The following ATP7A variants were observed in gnomAD, a reference collection of about 807,000 sequenced individuals.
The protein encoded by ATP7A is copper-transporting ATPase 1.
Under a neutral mutation model 83.5 loss-of-function variants are expected in ATP7A, and 7 were observed. The ratio of observed to expected loss-of-function variants is 0.08; its 90% CI spans 0.05 to 0.16. The LOEUF (loss-of-function observed/expected upper bound fraction) is 0.16. Among genes scored for constraint, ATP7A ranks in the 10% least tolerant of loss-of-function variants. The pLI, the probability that ATP7A is intolerant of heterozygous loss-of-function variation, is 1.00. For synonymous variants in ATP7A, 354 were observed against 395.2 expected (o/e 0.90, Z 1.24); for missense variants, 940 against 1,120.8 (o/e 0.84, Z 2.30).
chrX:78,019,159 G>A (rs1039542515), intron 12 of ATP7A, among the ~76,000 whole-genome samples: 3 of 112,098 alleles, frequency 2.7e-5, no homozygotes, highest in African/African-American at 9.7e-5. Context: ...AGTTGTCTCA[G>A]TTTCCTGTAG....
intron 16 of ATP7A, 39 bp downstream of exon 16, chrX:78,031,621 C>T: frequency 8.6e-7 from 1 of 1,161,346 alleles, no homozygotes; most frequent in Non-Finnish European, 1.2e-6. Context: ...GTAGTCATCT[C>T]CTGTAGGAAT....
At chrX:77,929,294 A>G (rs782593069) in intron 1 of ATP7A, among the ~76,000 whole-genome samples, 4 of 111,854 alleles carry the variant, frequency 3.6e-5, no homozygotes, top group African/African-American at 6.5e-5. Flanking sequence ...GGACAGTGCC[A>G]CACTGCTGCT....
intron 4 of ATP7A, among the ~76,000 whole-genome samples, chrX:77,998,138 A>G (rs2077716261): frequency 8.9e-6 from 1 of 111,959 alleles, no homozygotes; most frequent in Non-Finnish European, 1.9e-5. Context: ...CAGTATGCCA[A>G]TCATCAACAT....
intron 17 of ATP7A, among the ~76,000 whole-genome samples, chrX:78,037,298 A>T (rs1290007676): frequency 8.9e-6 from 1 of 112,441 alleles, no homozygotes; most frequent in Non-Finnish European, 1.9e-5. Flanking sequence ...GCCACTAATT[A>T]TATGTGACTC....
Position 78,021,009 on chromosome X carries a change from C to A in ATP7A, c.2846C>A (p.Ser949Tyr), listed in dbSNP as rs782807828. Reference protein sequence around the residue: ...GYFVPFIVFVSIATLLVWIVI... With the variant: ...GYFVPFIVFVYIATLLVWIVI... ...TTTGTTCCTTTTATTGTTTTTGTTT[C>A]CATTGCCACCCTCTTGGTATGGATT... The change falls in exon 14 of 23, where the codon TCC becomes TAC. Residue 949 changes from serine (S) to tyrosine (Y), a missense_variant. This residue lies in a region of ATP7A where 386 missense variants were observed against 502.2 expected (regional missense o/e 0.77). Transcript: ENST00000341514. 2 of 1,204,724 alleles carry A rather than the reference C, an allele frequency of 1.7e-6. No homozygotes were observed. Among genetic ancestry groups the A allele is most frequent in the Admixed American group, 4.4e-5 (2 of 45,894 alleles).
chrX:77,969,808 TTGACTA>T (rs782281474), intron 1 of ATP7A, among the ~76,000 whole-genome samples: 2 of 112,339 alleles, frequency 1.8e-5, no homozygotes, highest in Non-Finnish European at 3.8e-5. Context: ...TTGCCGGTGT[TTGACTA>T]TGATGATTTC....
chrX:77,985,392 G>T lies in ATP7A; in HGVS notation c.121-2850G>T, dbSNP rs782033979. ...TGTTGGTAAATTGACATTTTTGGGG[G>T]GGGTGGGTGCGGGGGAACCAGGTCT... is the stretch of plus-strand genomic sequence containing the variant. On this transcript the variant is annotated intron_variant, in intron 2 of 22. Transcript: ENST00000341514. 2.7e-4 allele frequency among the ~76,000 whole-genome samples: 29 copies of T among 108,580 alleles called. 1 individual carries two copies. Among genetic ancestry groups the T allele is most frequent in the Non-Finnish European group, 5.2e-4 (27 of 52,368 alleles). 94.3% of individuals were successfully genotyped at this position (108,580 alleles called of 115,157 possible). A position where few individuals can be genotyped will look rare whatever the true frequency, so the allele number is the denominator to read the frequency against.
intron 1 of ATP7A, among the ~76,000 whole-genome samples, chrX:77,916,016 C>G (rs1016149924): frequency 8.9e-6 from 1 of 111,766 alleles, no homozygotes; most frequent in Non-Finnish European, 1.9e-5. Context: ...CTACCGCTCC[C>G]GGCCCTGCCA....
At position 77,989,965 on chromosome X, in the gene ATP7A, A is replaced by G. The variant is rs1339598325; in HGVS notation, c.1336+7A>G. On this transcript the variant is annotated splice_region_variant and intron_variant, in intron 4 of 22. Coordinates refer to ENST00000341514, the MANE Select transcript of ATP7A (RefSeq NM_000052.7). ...TTTGATGCTACCTTGTCAGGTAATT[A>G]TCATTTTTTCTTTGATTACCCTAAT... 1.7e-6 allele frequency: 2 copies of G among 1,209,145 alleles called. No homozygotes were observed. The highest frequency in any genetic ancestry group is 2.2e-6 in the Non-Finnish European group (2 of 894,797).
intron 1 of ATP7A, among the ~76,000 whole-genome samples, chrX:77,916,387 A>T (rs1373082139): frequency 1.8e-5 from 2 of 109,584 alleles, no homozygotes; most frequent in Non-Finnish European, 3.8e-5. Context: ...AAAAAGAGAA[A>T]GAAAATGGAA....
At chrX:77,933,516 G>A (rs1027929168) in intron 1 of ATP7A, among the ~76,000 whole-genome samples, 3 of 111,943 alleles carry the variant, frequency 2.7e-5, no homozygotes, top group Admixed American at 1.9e-4. Flanking sequence ...GCTTAGGACC[G>A]GAAGTGTTTC....
Position 78,015,901 on chromosome X carries a change from C to T in ATP7A, c.2626+20C>T, listed in dbSNP as rs112355448. The T allele has an allele frequency of 8.3e-7, 1 of 1,208,872 alleles. No individual in the cohort carries two copies. Among genetic ancestry groups the T allele is most frequent in the African/African-American group, 1.7e-5 (1 of 57,723 alleles). On this transcript the variant is annotated intron_variant, in intron 12 of 22. Coordinates refer to ENST00000341514, the MANE Select transcript of ATP7A (RefSeq NM_000052.7). ...TCACAGGTATGTTCTTTCAAAGGAT[C>T]ATGACCAAAATGTTAAGAAAAATAG...
intron 2 of ATP7A, among the ~76,000 whole-genome samples, chrX:77,986,119 T>G (rs1032877733): frequency 9.0e-6 from 1 of 111,558 alleles, no homozygotes; most frequent in Non-Finnish European, 1.9e-5. Context: ...AAACCAAATA[T>G]AATTTATTTC....
intron 1 of ATP7A, chrX:77,968,867 C>T (rs1557229125): frequency 8.3e-7 from 1 of 1,208,923 alleles, no homozygotes; most frequent in African/African-American, 1.7e-5. Flanking sequence ...ATCCTCCCCG[C>T]TGGCCTTCAC....
Position 77,974,501 on chromosome X carries a change from T to C in ATP7A, c.120+2740T>C, listed in dbSNP as rs782415876. Reference sequence around the variant, plus strand: ...TATCTTTTTTTTTTCCCTTGTATTATCAAACCTTCATTACAATTTTGATTG... The same window carrying C: ...TATCTTTTTTTTTTCCCTTGTATTACCAAACCTTCATTACAATTTTGATTG... On this transcript the variant is annotated intron_variant, in intron 2 of 22. Transcript: ENST00000341514. Among the ~76,000 whole-genome samples, 4 of 111,201 alleles carry C rather than the reference T, an allele frequency of 3.6e-5. No homozygotes were observed. The East Asian group carries it at 1.1e-3, about 31-fold the overall frequency.
At chrX:78,044,532 T>C (rs190230215) in intron 21 of ATP7A, among the ~76,000 whole-genome samples, 1 of 111,866 alleles carries the variant, frequency 8.9e-6, no homozygotes, top group East Asian at 2.8e-4. Flanking sequence ...AGTATTTTCC[T>C]CTAGTCTTTT....
chrX:78,004,896 AT>A (rs782154596), intron 6 of ATP7A, among the ~76,000 whole-genome samples: 10 of 111,087 alleles, frequency 9.0e-5, no homozygotes, highest in African/African-American at 1.3e-4. Context: ...AAATAAAAAA[AT>A]AAAAATAAAA....
At chrX:78,005,683 C>CAAAAAAA (rs1218646073) in intron 6 of ATP7A, among the ~76,000 whole-genome samples, 37 of 13,660 alleles carry the variant, frequency 2.7e-3, no homozygotes, top group South Asian at 7.9e-3. Flanking sequence ...AACTCCATCT[C>CAAAAAAA]AAAAAAAAAA....
chrX:77,987,444 T>TTGTGTGTGTG (rs3986431), intron 2 of ATP7A, among the ~76,000 whole-genome samples: 66 of 85,857 alleles, frequency 7.7e-4, no homozygotes, highest in East Asian at 2.8e-3. Context: ...AACCCAGTAT[T>TTGTGTGTGTG]TGTGTGTGTG....
Sources: allele counts gnomAD v4.1 joint callset (sites outside exome capture counted in the v4.1 genomes callset), GRCh38; gene constraint gnomAD v4.1.1; regional missense constraint gnomAD v4.1.1; transcripts MANE v1.5; gene names NCBI Gene and HGNC (gene_info 2026-07-23, HGNC 2026-07-21).